Variants in BTBD16 observed in about 807,000 individuals in gnomAD.
The protein encoded by BTBD16 is BTB domain containing 16, also known as BTB/POZ domain-containing protein 16.
Under a neutral mutation model 67.4 loss-of-function variants are expected in BTBD16, and 66 were observed. The observed-to-expected ratio is 0.98, with a 90% CI of 0.80 to 1.20. The LOEUF is 1.20. Among genes scored for constraint, BTBD16 ranks in the 50% most tolerant of loss-of-function variants. The probability of loss-of-function intolerance (pLI) is 0.00; values close to 1 mark genes in which losing one functional copy is unlikely to be tolerated. For synonymous variants in BTBD16, 242 were observed against 236.4 expected (o/e 1.02, Z -0.22); for missense variants, 634 against 616.0 (o/e 1.03, Z -0.31).
At position 122,328,231 on chromosome 10, in the gene BTBD16, C is replaced by T. The variant is rs117462131; in HGVS notation, c.912-1249C>T. ...TGTTTTCAGGGCACAGGCACCGCACCCACCAGCCCCGGCTCCACTTACCCT... is the reference window on the plus strand; with the variant it reads ...TGTTTTCAGGGCACAGGCACCGCACTCACCAGCCCCGGCTCCACTTACCCT... On this transcript the variant is annotated intron_variant, in intron 10 of 15. Transcript: ENST00000260723. Among the ~76,000 whole-genome samples, 1,069 of 152,270 alleles carry T rather than the reference C, an allele frequency of 7.0e-3. 12 individuals are homozygous for T. The highest frequency in any genetic ancestry group is 0.012 in the Non-Finnish European group (787 of 68,008).
At chr10:122,308,620 C>T (rs965136065) in intron 10 of BTBD16, among the ~76,000 whole-genome samples, 1 of 152,154 alleles carries the variant, frequency 6.6e-6, no homozygotes, top group African/African-American at 2.4e-5. Flanking sequence ...CCCTCCTTCC[C>T]TGCTTGGCCC....
At chr10:122,328,677 G>A (rs2096449626) in intron 10 of BTBD16, 2 of 849,574 alleles carry the variant, frequency 2.4e-6, no homozygotes, top group African/African-American at 3.7e-5. Context: ...TTGAGGGAGT[G>A]ACTGCATTTC....
chr10:122,332,937 C>T (rs983137310), intron 13 of BTBD16: 1 of 985,148 alleles, frequency 1.0e-6, no homozygotes, highest in Non-Finnish European at 1.2e-6. Flanking sequence ...TCAGTCTGGG[C>T]AGCTATTTTG....
rs933957314 is a variant in BTBD16, at chr10:122,338,126, C to T, written c.*41C>T. 2.7e-6 allele frequency: 4 copies of T among 1,459,546 alleles called. No homozygotes were observed. Among genetic ancestry groups the T allele is most frequent in the Admixed American group, 3.5e-5 (2 of 57,828 alleles). The allele number at this position is 1,459,546 out of a possible 1,614,324, so 90.4% of individuals were successfully genotyped here. A position where few individuals can be genotyped will look rare whatever the true frequency, so the allele number is the denominator to read the frequency against. ...TCTATGGGATTTTCCCCCCACTGGTCTGCATAAAAGAAAATAAAATGACAT... is the reference window on the plus strand; with the variant it reads ...TCTATGGGATTTTCCCCCCACTGGTTTGCATAAAAGAAAATAAAATGACAT... On this transcript the variant is annotated 3_prime_UTR_variant, in exon 16 of 16. Coordinates refer to ENST00000260723, the MANE Select transcript of BTBD16 (RefSeq NM_144587.5).
chr10:122,307,994 A>C (rs1024938111), intron 10 of BTBD16, among the ~76,000 whole-genome samples: 4 of 152,310 alleles, frequency 2.6e-5, no homozygotes, highest in African/African-American at 9.6e-5. Flanking sequence ...TCGGAATTAT[A>C]TGTACTGTGT....
intron 10 of BTBD16, among the ~76,000 whole-genome samples, chr10:122,316,381 C>T (rs1484366508): frequency 6.6e-6 from 1 of 152,186 alleles, no homozygotes; most frequent in African/African-American, 2.4e-5. Context: ...GATTTGTTTG[C>T]ATTTTCTAGA....
At chr10:122,330,861 T>TG in intron 11 of BTBD16, among the ~76,000 whole-genome samples, 1 of 152,206 alleles carries the variant, frequency 6.6e-6, no homozygotes, top group East Asian at 1.9e-4. Flanking sequence ...CCCAGGTAGC[T>TG]GGGATTAAAG....
intron 9 of BTBD16, among the ~76,000 whole-genome samples, chr10:122,306,679 A>G (rs940482637): frequency 2.0e-5 from 3 of 152,222 alleles, no homozygotes; most frequent in Admixed American, 2.0e-4. Context: ...TTAAGGGAGC[A>G]TGAAAAAACT....
chr10:122,332,275 T>A (rs971082614), intron 12 of BTBD16, 161 bp from the exon 13 acceptor site: 2 of 628,486 alleles, frequency 3.2e-6, no homozygotes, highest in Non-Finnish European at 2.8e-6. Flanking sequence ...TTTCAATAAA[T>A]GTCTGTGAAC....
chr10:122,332,459 C>T lies in BTBD16; in HGVS notation c.1110C>T (p.Val370=), dbSNP rs1400798067. ...AGCTGGAGAATGGGGGCGACATGGT[C>T]CACCTGAAAGATCTTAACACCCAGG... ...YHALENGGDM[V]HLKDLNTQAV... is the part of the protein sequence containing the mutation. The change falls in exon 13 of 16, where the codon GTC becomes GTT. Residue 370 remains valine, a synonymous_variant. Coordinates refer to ENST00000260723, the MANE Select transcript of BTBD16 (RefSeq NM_144587.5). 2.5e-6 allele frequency: 4 copies of T among 1,614,012 alleles called. No individual in the cohort carries two copies. The highest frequency in any genetic ancestry group is 3.4e-6 in the Non-Finnish European group (4 of 1,180,018).
At chr10:122,334,009 T>A (rs2096458972) in intron 13 of BTBD16, among the ~76,000 whole-genome samples, 1 of 152,158 alleles carries the variant, frequency 6.6e-6, no homozygotes, top group Non-Finnish European at 1.5e-5. Context: ...AGGTTGATAT[T>A]GCCATCCAAT....
At chr10:122,296,073 G>A (rs1278134164) in intron 7 of BTBD16, among the ~76,000 whole-genome samples, 4 of 151,646 alleles carry the variant, frequency 2.6e-5, no homozygotes, top group East Asian at 1.9e-4. Flanking sequence ...ACTTGCTAGC[G>A]GCAGATAAAA....
intron 10 of BTBD16, among the ~76,000 whole-genome samples, chr10:122,312,480 T>C (rs759638426): frequency 6.6e-6 from 1 of 151,820 alleles, no homozygotes; most frequent in Non-Finnish European, 1.5e-5. Flanking sequence ...ACCCAGCTAA[T>C]TTTTGTATTT....
intron 1 of BTBD16, among the ~76,000 whole-genome samples, chr10:122,272,660 A>G (rs2096331372): frequency 6.8e-6 from 1 of 146,206 alleles, no homozygotes; most frequent in Non-Finnish European, 1.5e-5. Flanking sequence ...TTTTCAAATT[A>G]GAGACTGGCA....
chr10:122,301,302 G>T (rs965920453), intron 9 of BTBD16, among the ~76,000 whole-genome samples: 1 of 152,152 alleles, frequency 6.6e-6, no homozygotes, highest in African/African-American at 2.4e-5. Context: ...GTTAGCGGTG[G>T]GATAAGCCTG....
At position 122,331,022 on chromosome 10, in the gene BTBD16, T is replaced by C. The variant is rs1433193680; in HGVS notation, c.1004-154T>C. 3 of 524,082 alleles carry C rather than the reference T, an allele frequency of 5.7e-6. No homozygotes were observed. In the East Asian group the frequency reaches 4.4e-4, roughly 78 times the overall value. 32.5% of individuals were successfully genotyped at this position (524,082 alleles called of 1,614,324 possible). A position where few individuals can be genotyped will look rare whatever the true frequency, so the allele number is the denominator to read the frequency against. On this transcript the variant is annotated intron_variant, in intron 11 of 15. Coordinates refer to ENST00000260723, the MANE Select transcript of BTBD16 (RefSeq NM_144587.5). ...TAACCACAGTGACCCTGAGACGTTTTATTTCCACTTTGTCAATCAAACCTT... is the reference window on the plus strand; with the variant it reads ...TAACCACAGTGACCCTGAGACGTTTCATTTCCACTTTGTCAATCAAACCTT...
intron 1 of BTBD16, among the ~76,000 whole-genome samples, chr10:122,274,649 C>G (rs1377534462): frequency 6.6e-6 from 1 of 152,232 alleles, no homozygotes; most frequent in African/African-American, 2.4e-5. Context: ...CAGGGCAGCC[C>G]TGGCCTACAG....
chr10:122,329,684 C>A, intron 11 of BTBD16, 113 bp downstream of exon 11: 1 of 836,234 alleles, frequency 1.2e-6, no homozygotes, highest in Non-Finnish European at 1.9e-6. Context: ...TCACCTGAAT[C>A]GTGGCATTGT....
At chr10:122,324,220 G>C (rs1048031746) in intron 10 of BTBD16, among the ~76,000 whole-genome samples, 1 of 152,180 alleles carries the variant, frequency 6.6e-6, no homozygotes, top group African/African-American at 2.4e-5. Flanking sequence ...GCTCCTCTTT[G>C]CGGAGAGAAA....
Sources: gnomAD v4.1 joint callset for allele counts (sites outside exome capture counted in the v4.1 genomes callset) on GRCh38, gnomAD v4.1.1 for gene constraint, MANE v1.5 for transcripts, NCBI Gene and HGNC (gene_info 2026-07-23, HGNC 2026-07-21) for gene names.